The following SFXN4 variants were observed in gnomAD, a reference collection of about 807,000 sequenced individuals.
SFXN4 encodes sideroflexin-4.
SFXN4 carries 48 observed loss-of-function variants against 54.6 expected under a neutral mutation model. The ratio of observed to expected loss-of-function variants is 0.88; its 90% confidence interval spans 0.70 to 1.12. The LOEUF (loss-of-function observed/expected upper bound fraction) is 1.12. SFXN4 is among the 50% of genes most tolerant of loss of function. The probability of loss-of-function intolerance (pLI) is 0.00; values close to 1 mark genes in which losing one functional copy is unlikely to be tolerated. For synonymous variants in SFXN4, 130 were observed against 145.5 expected, an observed-to-expected ratio of 0.89 and a Z score of 0.77; for missense variants, 383 against 409.2, an observed-to-expected ratio of 0.94 and a Z score of 0.55.
intron 12 of SFXN4, among the ~76,000 whole-genome samples, chr10:119,147,489 C>T (rs540967327): frequency 1.3e-5 from 2 of 152,192 alleles, no homozygotes; most frequent in Non-Finnish European, 1.5e-5. Flanking sequence ...ATCATCCAAG[C>T]CCCTCATTCT....
intron 1 of SFXN4, 30 bp downstream of exon 1, chr10:119,165,507 G>A: frequency 6.5e-7 from 1 of 1,545,402 alleles, no homozygotes; most frequent in Non-Finnish European, 8.7e-7. Flanking sequence ...CCCCCTCCCT[G>A]CCCCTAGTCG....
chr10:119,165,375 G>C lies in SFXN4; in HGVS notation c.111+162C>G, dbSNP rs564403093. 3.0e-6 allele frequency: 4 copies of C among 1,324,644 alleles called. No homozygotes were observed. In the South Asian group the frequency reaches 7.1e-5, roughly 24 times the overall value. 82.1% of individuals were successfully genotyped at this position (1,324,644 alleles called of 1,614,324 possible). On this transcript the variant is annotated intron_variant, in intron 1 of 13. Coordinates refer to ENST00000355697, the MANE Select transcript of SFXN4 (RefSeq NM_213649.2). The stretch of plus-strand genomic sequence containing the variant: ...CCTGCGTCCCCTGCCGCGCCCTAAG[G>C]GGTGAAGGCCGGTGGTGCGCGTTCC...
chr10:119,164,213 G>A lies in SFXN4; in HGVS notation c.112-17C>T. ...AATAAAGGACTTAGGAGGGAGAAAA[G>A]CAACAGAGAGGTTAATGGCAGCAGA... On this transcript the variant is annotated splice_polypyrimidine_tract_variant and intron_variant, in intron 1 of 13. Coordinates refer to ENST00000355697, the MANE Select transcript of SFXN4 (RefSeq NM_213649.2). 1.4e-6 allele frequency: 2 copies of A among 1,476,606 alleles called. No homozygotes were observed. The highest frequency in any genetic ancestry group is 1.9e-6 in the Non-Finnish European group (2 of 1,075,212). The allele number at this position is 1,476,606 out of a possible 1,614,324, so 91.5% of individuals were successfully genotyped here.
At chr10:119,146,124 T>C in intron 13 of SFXN4, 112 bp downstream of exon 13, 1 of 647,514 alleles carries the variant, frequency 1.5e-6, no homozygotes, top group Admixed American at 2.6e-5. Flanking sequence ...CTGCACCTGG[T>C]CTTATTTTAT....
intron 11 of SFXN4, among the ~76,000 whole-genome samples, chr10:119,150,624 G>A (rs4752254): frequency 2.6e-5 from 4 of 151,826 alleles, no homozygotes; most frequent in Non-Finnish European, 4.4e-5. Context: ...AGCCATGTTC[G>A]TACCATTGCC....
At chr10:119,147,651 T>A (rs1846873997) in intron 12 of SFXN4, 124 bp downstream of exon 12, 1 of 723,838 alleles carries the variant, frequency 1.4e-6, no homozygotes, top group Admixed American at 2.2e-5. Context: ...TTAGCTGTGA[T>A]GTGTGTTTAT....
intron 1 of SFXN4, 89 bp from the exon 2 acceptor site, chr10:119,164,285 T>C (rs1847676801): frequency 2.8e-6 from 2 of 715,406 alleles, no homozygotes; most frequent in Non-Finnish European, 4.6e-6. Context: ...TTTTTTTTTC[T>C]GAGAACCTGC....
chr10:119,155,242 T>C (rs1847235414), intron 10 of SFXN4, 65 bp from the exon 11 acceptor site: 2 of 1,117,200 alleles, frequency 1.8e-6, no homozygotes, highest in South Asian at 2.5e-5. Context: ...CAAAGGAACA[T>C]CTCTTTGGGT....
intron 1 of SFXN4, chr10:119,165,137 T>G: frequency 1.1e-6 from 1 of 926,586 alleles, no homozygotes. Flanking sequence ...TAAGTCCTGC[T>G]TATGTCCTGC....
At chr10:119,164,040 CAAAAAAAA>C (rs368539311) in intron 2 of SFXN4, 83 bp downstream of exon 2, 53 of 309,770 alleles carry the variant, frequency 1.7e-4, no homozygotes, top group Middle Eastern at 1.1e-3. Context: ...AACTCCGTCT[CAAAAAAAA>C]AAAAAAAAAA....
chr10:119,159,650 G>T, intron 6 of SFXN4, 78 bp downstream of exon 6: 1 of 1,463,198 alleles, frequency 6.8e-7, no homozygotes, highest in South Asian at 1.1e-5. Flanking sequence ...GAGCTGGAGG[G>T]ACACAGCTGA....
chr10:119,146,415 A>G (rs1846798821), intron 12 of SFXN4, 62 bp from the exon 13 acceptor site: 6 of 993,868 alleles, frequency 6.0e-6, no homozygotes, highest in African/African-American at 3.4e-5. Flanking sequence ...TTTTCTGAAC[A>G]GCTGAATCAG....
chr10:119,141,117 A>G lies in SFXN4; in HGVS notation c.*125T>C, dbSNP rs1197395387. 7.9e-6 allele frequency: 5 copies of G among 636,360 alleles called. No homozygotes were observed. The South Asian group carries it at 1.1e-4, about 14-fold the overall frequency. 39.4% of individuals were successfully genotyped at this position (636,360 alleles called of 1,614,324 possible). A position where few individuals can be genotyped will look rare whatever the true frequency, so the allele number is the denominator to read the frequency against. On this transcript the variant is annotated 3_prime_UTR_variant, in exon 14 of 14. Coordinates refer to ENST00000355697, the MANE Select transcript of SFXN4 (RefSeq NM_213649.2). ...GGAACGATCTCAGTATGGAATCTGA[A>G]GTCGCCTTGTCAGCACAGACACCTC...
intron 10 of SFXN4, among the ~76,000 whole-genome samples, chr10:119,155,404 GCCTGGGA>G (rs1847241536): frequency 6.6e-6 from 1 of 152,178 alleles, no homozygotes; most frequent in African/African-American, 2.4e-5. Context: ...CCTGACCACA[GCCTGGGA>G]CCAGCTTCCA....
At chr10:119,152,691 T>C (rs973648130) in intron 11 of SFXN4, among the ~76,000 whole-genome samples, 2 of 152,108 alleles carry the variant, frequency 1.3e-5, no homozygotes, top group African/African-American at 4.8e-5. Context: ...ACCATTAGCA[T>C]GTATCTGATA....
intron 3 of SFXN4, 50 bp downstream of exon 3, chr10:119,162,290 G>A (rs1456998089): frequency 1.4e-6 from 2 of 1,470,412 alleles, no homozygotes; most frequent in Non-Finnish European, 9.5e-7. Flanking sequence ...AGACCATGCA[G>A]GCAGAACCAT....
chr10:119,156,367 T>G (rs1589640299), intron 10 of SFXN4, among the ~76,000 whole-genome samples: 1 of 152,312 alleles, frequency 6.6e-6, no homozygotes, highest in Non-Finnish European at 1.5e-5. Flanking sequence ...GGCGGAGGGT[T>G]GCAGTGAGCC....
intron 11 of SFXN4, among the ~76,000 whole-genome samples, chr10:119,149,107 G>A (rs542868735): frequency 7.2e-5 from 11 of 152,186 alleles, no homozygotes; most frequent in African/African-American, 2.4e-4. Context: ...AGCTGGTCCC[G>A]ACTTCCTGGC....
intron 6 of SFXN4, 109 bp downstream of exon 6, chr10:119,159,619 C>T: frequency 8.9e-7 from 1 of 1,128,562 alleles, no homozygotes; most frequent in South Asian, 1.2e-5. Context: ...ATCTATCAGG[C>T]AGTCATGTGA....
Sources: allele counts gnomAD v4.1 joint callset (sites outside exome capture counted in the v4.1 genomes callset), GRCh38; gene constraint gnomAD v4.1.1; transcripts MANE v1.5; gene names NCBI Gene and HGNC (gene_info 2026-07-23, HGNC 2026-07-21).